Variants in XXYLT1 observed in about 807,000 individuals in gnomAD.
XXYLT1 encodes the protein xyloside xylosyltransferase 1, also known as UDP-xylose:alpha-xyloside alpha-1,3-xylosyltransferase.
In XXYLT1, 20 loss-of-function variants were observed where a neutral mutation model predicts 28.9. That is an observed-to-expected ratio of 0.69 (90% CI 0.49 to 1.00). The LOEUF is 1.00. Ranked by LOEUF, XXYLT1 falls within the 50% of genes least tolerant of loss-of-function variation. The probability of loss-of-function intolerance (pLI) is 0.00; values close to 1 mark genes in which losing one functional copy is unlikely to be tolerated. For synonymous variants in XXYLT1, 257 were observed against 253.8 expected, an observed-to-expected ratio of 1.01 and a Z score of -0.12; for missense variants, 542 against 560.1, an observed-to-expected ratio of 0.97 and a Z score of 0.33.
intron 2 of XXYLT1, among the ~76,000 whole-genome samples, chr3:195,175,164 G>A (rs569991496): frequency 2.2e-4 from 33 of 152,338 alleles, no homozygotes; most frequent in African/African-American, 7.7e-4. Context: ...CACAGTTGTT[G>A]AGCATCAAAT....
chr3:195,143,874 A>C (rs1203483729), intron 3 of XXYLT1, among the ~76,000 whole-genome samples: 14 of 107,606 alleles, frequency 1.3e-4, no homozygotes, highest in African/African-American at 5.8e-4. Flanking sequence ...AGATATAGAT[A>C]TATATATATA....
chr3:195,189,998 A>G (rs1351189955), intron 2 of XXYLT1, among the ~76,000 whole-genome samples: 1 of 152,236 alleles, frequency 6.6e-6, no homozygotes, highest in Non-Finnish European at 1.5e-5. Flanking sequence ...TTTCAATATG[A>G]TTAATGGCTG....
At chr3:195,132,504 A>G (rs979578010) in intron 3 of XXYLT1, among the ~76,000 whole-genome samples, 27 of 152,196 alleles carry the variant, frequency 1.8e-4, no homozygotes, top group African/African-American at 6.5e-4. Flanking sequence ...TGCTTAGAAC[A>G]GTGCTTGGCG....
intron 3 of XXYLT1, among the ~76,000 whole-genome samples, chr3:195,127,884 A>G (rs1718716274): frequency 1.3e-5 from 2 of 152,200 alleles, no homozygotes; most frequent in Admixed American, 1.3e-4. Flanking sequence ...GGGTCTGTGA[A>G]ATGATTATAT....
chr3:195,190,847 A>T (rs1722391332), intron 2 of XXYLT1, among the ~76,000 whole-genome samples: 1 of 152,178 alleles, frequency 6.6e-6, no homozygotes, highest in South Asian at 2.1e-4. Context: ...TGATAAATTA[A>T]AATGCATATT....
rs141951238 is a variant in XXYLT1, at chr3:195,257,202, G to A, written c.504+13353C>T. 1.3e-4 allele frequency among the ~76,000 whole-genome samples: 20 copies of A among 152,194 alleles called. No homozygotes were observed. In the East Asian group the frequency reaches 3.5e-3, roughly 26 times the overall value. On this transcript the variant is annotated intron_variant, in intron 1 of 3. Transcript: ENST00000310380. The surrounding 1 kb of genome is among the most constrained non-coding windows in gnomAD (Gnocchi z 4.3). ...CATCGGTGCCCAGCCATCCCACCCC[G>A]GCCTTCCATGGCTGCACTCACACCC...
chr3:195,082,519 C>T (rs1577003398), intron 3 of XXYLT1, among the ~76,000 whole-genome samples: 2 of 152,270 alleles, frequency 1.3e-5, no homozygotes, highest in Admixed American at 1.3e-4. Context: ...CACGGAACCT[C>T]GTGGGAGTAC....
chr3:195,109,333 C>A (rs879779826), intron 3 of XXYLT1, among the ~76,000 whole-genome samples: 28 of 151,952 alleles, frequency 1.8e-4, no homozygotes, highest in South Asian at 4.1e-4. Flanking sequence ...CCCAAGCCAG[C>A]AGCGTGTGTG....
rs200544076 is a variant in XXYLT1, at chr3:195,134,868, TGC to T, written c.785+21579_785+21580del. ...GTGTGTGTGTGTGTGTGTGTGTGTG[TGC>T]GTGTGCGCGCGTGCGCGCACGTGCA... On this transcript the variant is annotated intron_variant, in intron 3 of 3. Coordinates refer to ENST00000310380, the MANE Select transcript of XXYLT1 (RefSeq NM_152531.5). Among the ~76,000 whole-genome samples the T allele has an allele frequency of 9.3e-3, 930 of 100,134 alleles. 6 individuals carry two copies. Among genetic ancestry groups the T allele is most frequent in the East Asian group, 0.024 (52 of 2,206 alleles). 65.7% of individuals were successfully genotyped at this position (100,134 alleles called of 152,430 possible). A position where few individuals can be genotyped will look rare whatever the true frequency, so the allele number is the denominator to read the frequency against.
At chr3:195,139,463 G>T (rs1719371120) in intron 3 of XXYLT1, among the ~76,000 whole-genome samples, 1 of 152,144 alleles carries the variant, frequency 6.6e-6, no homozygotes, top group Non-Finnish European at 1.5e-5. Flanking sequence ...GTCACATTTG[G>T]CAAAGGTACC....
intron 3 of XXYLT1, among the ~76,000 whole-genome samples, chr3:195,094,986 C>A (rs909815503): frequency 2.0e-5 from 3 of 152,144 alleles, no homozygotes; most frequent in Non-Finnish European, 2.9e-5. Flanking sequence ...CCTTACTGTG[C>A]GGGGGAAATG....
Position 195,180,523 on chromosome 3 carries a change from A to G in XXYLT1, c.653-23942T>C. 1 of 985,478 alleles carries G rather than the reference A, an allele frequency of 1.0e-6. No homozygotes were observed. The highest frequency in any genetic ancestry group is 5.2e-4 in the Middle Eastern group (1 of 1,914). 61.0% of individuals were successfully genotyped at this position (985,478 alleles called of 1,614,324 possible). A position where few individuals can be genotyped will look rare whatever the true frequency, so the allele number is the denominator to read the frequency against. On this transcript the variant is annotated intron_variant, in intron 2 of 3. Coordinates refer to ENST00000310380, the MANE Select transcript of XXYLT1 (RefSeq NM_152531.5). The surrounding 1 kb of genome is among the most constrained non-coding windows in gnomAD (Gnocchi z 5.8). ...CTTCCTGGCTCTGTAGCCCTTGAAA[A>G]GAAGCAAACAAACAGATAAGGGTCA...
intron 1 of XXYLT1, among the ~76,000 whole-genome samples, chr3:195,235,735 TA>T (rs942012830): frequency 6.6e-6 from 1 of 152,192 alleles, no homozygotes; most frequent in African/African-American, 2.4e-5. Flanking sequence ...GTATCTGCAT[TA>T]GGGGGCATAC....
At chr3:195,253,498 T>C (rs1398550968) in intron 1 of XXYLT1, among the ~76,000 whole-genome samples, 2 of 150,262 alleles carry the variant, frequency 1.3e-5, no homozygotes, top group Admixed American at 6.6e-5. Flanking sequence ...CATTTCTTTT[T>C]TTTTCTTTTT....
intron 3 of XXYLT1, among the ~76,000 whole-genome samples, chr3:195,075,927 C>T (rs1345522114): frequency 6.6e-6 from 1 of 152,066 alleles, no homozygotes; most frequent in Non-Finnish European, 1.5e-5. Context: ...ACCAGGCTGC[C>T]TGGCAGGACA....
intron 1 of XXYLT1, among the ~76,000 whole-genome samples, chr3:195,250,281 G>A (rs1000861184): frequency 6.6e-6 from 1 of 152,180 alleles, no homozygotes; most frequent in African/African-American, 2.4e-5. Flanking sequence ...AACTGCAACT[G>A]GCCGGGCGTG....
chr3:195,256,437 G>C lies in XXYLT1; in HGVS notation c.504+14118C>G. Reference sequence around the variant, plus strand: ...CAGGCCTGAGGTGCGGCCCTGCACAGGGCAGGGCCCGAGAAACGAACCAGT... The same window carrying C: ...CAGGCCTGAGGTGCGGCCCTGCACACGGCAGGGCCCGAGAAACGAACCAGT... On this transcript the variant is annotated intron_variant, in intron 1 of 3. Transcript: ENST00000310380. The surrounding 1 kb of genome is among the most constrained non-coding windows in gnomAD (Gnocchi z 4.2). 1 of 975,042 alleles carries C rather than the reference G, an allele frequency of 1.0e-6. No individual in the cohort carries two copies. The allele number at this position is 975,042 out of a possible 1,614,324, so 60.4% of individuals were successfully genotyped here. A position where few individuals can be genotyped will look rare whatever the true frequency, so the allele number is the denominator to read the frequency against.
chr3:195,179,113 G>A (rs1349824179), intron 2 of XXYLT1, among the ~76,000 whole-genome samples: 2 of 151,914 alleles, frequency 1.3e-5, no homozygotes, highest in African/African-American at 4.8e-5. Flanking sequence ...AGGCCGAGGC[G>A]GGCGGATCAT....
At chr3:195,121,685 C>T (rs1479946403) in intron 3 of XXYLT1, among the ~76,000 whole-genome samples, 1 of 152,216 alleles carries the variant, frequency 6.6e-6, no homozygotes, top group East Asian at 1.9e-4. Context: ...GAGAATGGCA[C>T]CCAAAACAAG....
Sources: gnomAD v4.1 joint callset for allele counts (sites outside exome capture counted in the v4.1 genomes callset) on GRCh38, gnomAD v4.1.1 for gene constraint, Gnocchi (gnomAD v3.1) non-coding constraint, MANE v1.5 for transcripts, NCBI Gene and HGNC (gene_info 2026-07-23, HGNC 2026-07-21) for gene names.